The following PTGR3 variants were observed in gnomAD, a reference collection of about 807,000 sequenced individuals.
PTGR3 encodes zinc binding alcohol dehydrogenase domain containing 2.
the PTGR3 span, among the ~76,000 whole-genome samples, chr18:75,207,570 G>C: frequency 6.6e-6 from 1 of 151,940 alleles, no homozygotes; most frequent in Non-Finnish European, 1.5e-5. Flanking sequence ...CATTTTCAAG[G>C]ATCCCTACAC....
At chr18:75,199,741 C>T in the PTGR3 span, 1 of 152,624 alleles carries the variant, frequency 6.6e-6, no homozygotes, top group Non-Finnish European at 1.5e-5. Flanking sequence ...TTCTTCATAA[C>T]TCAAAAGCGT....
chr18:75,196,236 GTTTTAATTA>G, the PTGR3 span: 11 of 152,186 alleles, frequency 7.2e-5, no homozygotes, highest in African/African-American at 2.7e-4. Context: ...TGTGCAGGAT[GTTTTAATTA>G]TTTTAATTTC....
At chr18:75,209,079 C>G in the PTGR3 span, 2 of 1,486,628 alleles carry the variant, frequency 1.3e-6, no homozygotes, top group Non-Finnish European at 1.8e-6. The surrounding 1 kb of genome is among the most constrained non-coding windows in gnomAD (Gnocchi z 4.7). Flanking sequence ...TCCGCCCGCT[C>G]TCTGCGCCGA....
chr18:75,205,524 T>C, the PTGR3 span: 2 of 978,794 alleles, frequency 2.0e-6, no homozygotes, highest in Non-Finnish European at 2.4e-6. Flanking sequence ...TGTACCCTTC[T>C]AGAGTCACCA....
the PTGR3 span, chr18:75,201,759 C>T: frequency 6.2e-7 from 1 of 1,614,200 alleles, no homozygotes; most frequent in South Asian, 1.1e-5. Flanking sequence ...TATCAAGCGC[C>T]CTTTCGTAGC....
chr18:75,209,063 T>C, the PTGR3 span: 6 of 1,522,350 alleles, frequency 3.9e-6, no homozygotes, highest in Non-Finnish European at 4.4e-6. This position sits in a 1 kb window ranked among gnomAD's most constrained non-coding sequence, Gnocchi z 4.7. Flanking sequence ...CAGCATGGCC[T>C]GCGCCTCCGC....
At chr18:75,208,733 C>T in the PTGR3 span, 1 of 1,061,488 alleles carries the variant, frequency 9.4e-7, no homozygotes, top group South Asian at 3.9e-5. Context: ...AGGCTGTGCG[C>T]CCGAGCGCGC....
At chr18:75,207,461 T>G in the PTGR3 span, among the ~76,000 whole-genome samples, 1 of 152,168 alleles carries the variant, frequency 6.6e-6, no homozygotes, top group Non-Finnish European at 1.5e-5. Flanking sequence ...CTCAAGCCCT[T>G]CTTTTTAGCT....
At chr18:75,206,636 G>A in the PTGR3 span, among the ~76,000 whole-genome samples, 1 of 152,188 alleles carries the variant, frequency 6.6e-6, no homozygotes, top group South Asian at 2.1e-4. Context: ...CAACAGAGTA[G>A]GGAAAGCGGG....
chr18:75,206,411 G>A, the PTGR3 span, among the ~76,000 whole-genome samples: 3 of 152,200 alleles, frequency 2.0e-5, no homozygotes, highest in Admixed American at 6.5e-5. Context: ...TCATTCTAGA[G>A]CGGATTTTAA....
the PTGR3 span, chr18:75,201,431 G>C: frequency 6.2e-7 from 1 of 1,609,790 alleles, no homozygotes; most frequent in East Asian, 2.2e-5. Context: ...GCTTACTGTT[G>C]ACAGAGTGAG....
At chr18:75,203,564 A>G in the PTGR3 span, among the ~76,000 whole-genome samples, 1 of 152,202 alleles carries the variant, frequency 6.6e-6, no homozygotes, top group African/African-American at 2.4e-5. Flanking sequence ...TATTGTAGAA[A>G]TAAGAACGCA....
chr18:75,206,642 G>T, the PTGR3 span, among the ~76,000 whole-genome samples: 229 of 152,310 alleles, frequency 1.5e-3, no homozygotes, highest in African/African-American at 4.2e-3. Flanking sequence ...AGTAGGGAAA[G>T]CGGGAGGCAA....
chr18:75,204,219 C>A, the PTGR3 span, among the ~76,000 whole-genome samples: 3 of 152,234 alleles, frequency 2.0e-5, no homozygotes, highest in Non-Finnish European at 2.9e-5. Flanking sequence ...TCGGGATGGG[C>A]GCGCCCTGGG....
At chr18:75,199,461 CTT>C in the PTGR3 span, 1 of 152,136 alleles carries the variant, frequency 6.6e-6, no homozygotes, top group Non-Finnish European at 1.5e-5. Flanking sequence ...TAATAATATT[CTT>C]TGATTAGATT....
At chr18:75,202,722 T>C in the PTGR3 span, among the ~76,000 whole-genome samples, 44 of 151,220 alleles carry the variant, frequency 2.9e-4, 1 homozygote, top group Non-Finnish European at 8.8e-5. Context: ...ATCCTCATTA[T>C]ATATAAACTT....
At chr18:75,205,749 A>AAAAG in the PTGR3 span, among the ~76,000 whole-genome samples, 3,491 of 151,602 alleles carry the variant, frequency 0.023, 57 homozygotes, top group Non-Finnish European at 0.04. Context: ...AAAGAAAAGA[A>AAAAG]AAAGAAAGAA....
At chr18:75,208,170 G>A in the PTGR3 span, among the ~76,000 whole-genome samples, 5 of 152,216 alleles carry the variant, frequency 3.3e-5, no homozygotes, top group Non-Finnish European at 2.9e-5. Context: ...TCTGCAAAAC[G>A]TGCCGGCAAA....
At chr18:75,205,795 G>A in the PTGR3 span, among the ~76,000 whole-genome samples, 2 of 133,700 alleles carry the variant, frequency 1.5e-5, no homozygotes, top group East Asian at 5.3e-4. Flanking sequence ...AGAAAGACAA[G>A]AAAAAAAGCG....
Sources: allele counts gnomAD v4.1 joint callset (sites outside exome capture counted in the v4.1 genomes callset), GRCh38; gene constraint gnomAD v4.1.1; non-coding constraint Gnocchi (gnomAD v3.1); transcripts MANE v1.5; gene names NCBI Gene and HGNC (gene_info 2026-07-23, HGNC 2026-07-21).